Variants in HTR1F observed in about 807,000 individuals in gnomAD.
HTR1F encodes 5-hydroxytryptamine receptor 1F.
HTR1F carries 17 observed loss-of-function variants against 24.0 expected under a neutral mutation model. The ratio of observed to expected loss-of-function variants is 0.71; its 90% CI spans 0.48 to 1.06. The LOEUF (loss-of-function observed/expected upper bound fraction) is 1.06. HTR1F is among the 50% of genes least tolerant of loss of function. The probability of loss-of-function intolerance (pLI) is 0.00; values close to 1 mark genes in which losing one functional copy is unlikely to be tolerated. For missense variants in HTR1F, 391 were observed against 427.8 expected (o/e 0.91, Z 0.76); for synonymous variants, 186 against 156.8 (o/e 1.19, Z -1.39).
At chr3:87,871,027 T>C (rs931614880) in intron 2 of HTR1F, among the ~76,000 whole-genome samples, 7 of 148,350 alleles carry the variant, frequency 4.7e-5, no homozygotes, top group Non-Finnish European at 7.4e-5. Context: ...CAGGGAAGTA[T>C]GGCTCAATCA....
chr3:87,902,614 A>T (rs1706351698), intron 2 of HTR1F, among the ~76,000 whole-genome samples: 1 of 151,798 alleles, frequency 6.6e-6, no homozygotes, highest in Non-Finnish European at 1.5e-5. Flanking sequence ...TATCATTATT[A>T]TACTTTAAGT....
At chr3:87,915,852 C>T (rs1703880612) in intron 2 of HTR1F, among the ~76,000 whole-genome samples, 1 of 152,134 alleles carries the variant, frequency 6.6e-6, no homozygotes, top group Admixed American at 6.6e-5. Flanking sequence ...AAGAAGCACA[C>T]AGAACACCTG....
At chr3:87,987,118 T>C (rs1576124715) in intron 2 of HTR1F, among the ~76,000 whole-genome samples, 1 of 84,710 alleles carries the variant, frequency 1.2e-5, no homozygotes, top group Non-Finnish European at 2.6e-5. Flanking sequence ...AAAAATAAAA[T>C]AAAAATAAAA....
intron 1 of HTR1F, among the ~76,000 whole-genome samples, chr3:87,817,893 A>C (rs531061828): frequency 6.6e-6 from 1 of 152,312 alleles, no homozygotes; most frequent in African/African-American, 2.4e-5. Context: ...CAGCTCTATC[A>C]AATTCAGGAG....
intron 1 of HTR1F, among the ~76,000 whole-genome samples, chr3:87,803,846 G>A (rs1180050272): frequency 6.6e-6 from 1 of 152,096 alleles, no homozygotes; most frequent in East Asian, 1.9e-4. Context: ...GTTTCATTCA[G>A]ATATTTTATT....
intron 2 of HTR1F, among the ~76,000 whole-genome samples, chr3:87,959,534 A>G (rs1216607568): frequency 6.6e-6 from 1 of 151,962 alleles, no homozygotes; most frequent in Non-Finnish European, 1.5e-5. Context: ...CCAAAATTAA[A>G]GAATGGTTTG....
intron 2 of HTR1F, among the ~76,000 whole-genome samples, chr3:87,929,299 G>A (rs1704202956): frequency 6.6e-6 from 1 of 152,162 alleles, no homozygotes; most frequent in Admixed American, 6.6e-5. Context: ...CATCAGGGCA[G>A]AGCCTCTTTC....
chr3:87,933,546 A>C (rs1488341968), intron 2 of HTR1F, among the ~76,000 whole-genome samples: 5 of 150,802 alleles, frequency 3.3e-5, no homozygotes, highest in African/African-American at 7.2e-5. Flanking sequence ...CACAAGCATT[A>C]TTATACACCA....
intron 2 of HTR1F, among the ~76,000 whole-genome samples, chr3:87,829,885 A>T (rs1322837738): frequency 6.6e-6 from 1 of 152,232 alleles, no homozygotes; most frequent in Non-Finnish European, 1.5e-5. Flanking sequence ...AATTAGAGCC[A>T]GTAATTAATA....
At chr3:87,976,777 T>TATATTTAAAA (rs1442209161) in intron 2 of HTR1F, among the ~76,000 whole-genome samples, 1 of 152,214 alleles carries the variant, frequency 6.6e-6, no homozygotes, top group Non-Finnish European at 1.5e-5. Flanking sequence ...ATCTTGCACG[T>TATATTTAAAA]AGTTAAATAT....
chr3:87,980,677 A>ACATG (rs3058172), intron 2 of HTR1F, among the ~76,000 whole-genome samples: 144,172 of 151,986 alleles, frequency 0.95, 68,808 homozygotes, highest in Non-Finnish European at 1. Context: ...CTCAGGCTGT[A>ACATG]CTGAGGGGCA....
At chr3:87,881,953 C>T (rs1401480649) in intron 2 of HTR1F, among the ~76,000 whole-genome samples, 4 of 152,014 alleles carry the variant, frequency 2.6e-5, no homozygotes, top group African/African-American at 9.7e-5. Flanking sequence ...TTTTTGCAAC[C>T]TACTCATCTG....
At chr3:87,850,400 T>G (rs575957464) in intron 2 of HTR1F, among the ~76,000 whole-genome samples, 9 of 151,696 alleles carry the variant, frequency 5.9e-5, no homozygotes, top group Non-Finnish European at 1.2e-4. Flanking sequence ...TAGGTCGGAA[T>G]TGAACAATGA....
intron 2 of HTR1F, among the ~76,000 whole-genome samples, chr3:87,852,013 A>G (rs1553666243): frequency 1.3e-5 from 2 of 151,130 alleles, no homozygotes; most frequent in Non-Finnish European, 3.0e-5. Context: ...AATAGCTGAG[A>G]CTCTATTTTT....
chr3:87,913,485 G>A (rs935500935), intron 2 of HTR1F, among the ~76,000 whole-genome samples: 5 of 152,034 alleles, frequency 3.3e-5, no homozygotes, highest in Non-Finnish European at 7.4e-5. Context: ...TACACTGGGA[G>A]TGTAAATTAG....
In HTR1F at chr3:87,940,515, G is replaced by C. The variant is rs560324553; in HGVS notation, c.-42-50193G>C. ...GAAATAAGAGAGGACACAAACAATT[G>C]GAAGAATATTCCATGCTCATGGATG... On this transcript the variant is annotated intron_variant, in intron 2 of 2. Coordinates refer to ENST00000319595, the MANE Select transcript of HTR1F (RefSeq NM_001322209.2). Among the ~76,000 whole-genome samples the C allele has an allele frequency of 2.6e-5, 4 of 152,210 alleles. No homozygotes were observed. In the East Asian group the frequency reaches 7.7e-4, roughly 29 times the overall value.
chr3:87,878,063 C>T (rs1195269946), intron 2 of HTR1F, among the ~76,000 whole-genome samples: 6 of 152,070 alleles, frequency 3.9e-5, no homozygotes, highest in South Asian at 2.1e-4. Context: ...GGAGAATGGA[C>T]GGGATCTTGA....
At chr3:87,984,405 C>T (rs893193091) in intron 2 of HTR1F, among the ~76,000 whole-genome samples, 14 of 151,180 alleles carry the variant, frequency 9.3e-5, no homozygotes, top group African/African-American at 3.4e-4. Context: ...TTGTTTTGTC[C>T]AGGGATAGAT....
intron 2 of HTR1F, among the ~76,000 whole-genome samples, chr3:87,845,437 C>A (rs922389937): frequency 2.0e-5 from 3 of 148,974 alleles, no homozygotes; most frequent in Non-Finnish European, 4.5e-5. Flanking sequence ...TATACACCAA[C>A]AACAGACAAA....
Sources: gnomAD v4.1 joint callset for allele counts (sites outside exome capture counted in the v4.1 genomes callset) on GRCh38, gnomAD v4.1.1 for gene constraint, MANE v1.5 for transcripts, NCBI Gene and HGNC (gene_info 2026-07-23, HGNC 2026-07-21) for gene names.